HMCN1: variants seen among roughly 807,000 people sequenced by gnomAD.
The protein encoded by HMCN1 is hemicentin 1, also known as hemicentin-1.
HMCN1 carries 321 observed loss-of-function variants against 625.9 expected under a neutral mutation model. The ratio of observed to expected loss-of-function variants is 0.51; its 90% confidence interval spans 0.47 to 0.56. The LOEUF (loss-of-function observed/expected upper bound fraction) is 0.56, where lower values mean the gene tolerates loss of function less well. HMCN1 is among the 20% of genes least tolerant of loss of function. The probability of loss-of-function intolerance (pLI) is 0.00; values close to 1 mark genes in which losing one functional copy is unlikely to be tolerated. For synonymous variants in HMCN1, 2,425 were observed against 2,417.6 expected (o/e 1.00, Z -0.09); for missense variants, 6,588 against 6,887.3 (o/e 0.96, Z 1.54).
At chr1:186,153,210 C>A (rs1440758791) in intron 96 of HMCN1, among the ~76,000 whole-genome samples, 1 of 152,138 alleles carries the variant, frequency 6.6e-6, no homozygotes, top group Non-Finnish European at 1.5e-5. Context: ...AACAATCGCC[C>A]TTTCACATCT....
At chr1:185,789,562 A>T (rs1657853765) in intron 1 of HMCN1, among the ~76,000 whole-genome samples, 1 of 152,234 alleles carries the variant, frequency 6.6e-6, no homozygotes, top group Non-Finnish European at 1.5e-5. Flanking sequence ...CAAAAATAGG[A>T]TCATAAATTT....
intron 80 of HMCN1, among the ~76,000 whole-genome samples, chr1:186,122,260 A>G (rs1274159469): frequency 6.6e-6 from 1 of 152,222 alleles, no homozygotes; most frequent in Non-Finnish European, 1.5e-5. Flanking sequence ...TTTTGTTGCT[A>G]TAAATAATCT....
At chr1:185,897,084 A>T (rs1665533082) in intron 4 of HMCN1, among the ~76,000 whole-genome samples, 1 of 152,030 alleles carries the variant, frequency 6.6e-6, no homozygotes, top group South Asian at 2.1e-4. Flanking sequence ...GTCATTCTAG[A>T]CTTTTTCTTC....
intron 1 of HMCN1, among the ~76,000 whole-genome samples, chr1:185,816,451 C>T (rs764237153): frequency 1.3e-5 from 2 of 152,128 alleles, no homozygotes; most frequent in Non-Finnish European, 2.9e-5. Flanking sequence ...ATTGTGATTT[C>T]CCAATGTATA....
chr1:185,961,575 TTTACA>T (rs1254527238), intron 11 of HMCN1, among the ~76,000 whole-genome samples: 1 of 152,248 alleles, frequency 6.6e-6, no homozygotes, highest in Non-Finnish European at 1.5e-5. Context: ...GTGGTAGATA[TTTACA>T]TTAGGAGCTA....
chr1:185,899,202 AT>A (rs1372455767), intron 4 of HMCN1, among the ~76,000 whole-genome samples: 3 of 152,080 alleles, frequency 2.0e-5, no homozygotes, highest in Non-Finnish European at 4.4e-5. Flanking sequence ...GATGTTCGCT[AT>A]TTTTTTGGAC....
chr1:185,954,089 A>G (rs940664895), intron 11 of HMCN1, among the ~76,000 whole-genome samples: 104 of 151,992 alleles, frequency 6.8e-4, no homozygotes, highest in Non-Finnish European at 6.8e-4. Flanking sequence ...GTGGAATGTC[A>G]TCAGTTAAGG....
At chr1:186,080,325 T>C (rs745926204) in intron 55 of HMCN1, among the ~76,000 whole-genome samples, 14 of 152,168 alleles carry the variant, frequency 9.2e-5, no homozygotes, top group African/African-American at 1.7e-4. Context: ...TTGCTAAAGA[T>C]AAGGTATATT....
rs746547858 is a variant in HMCN1, at chr1:186,166,831, A to T, written c.15463A>T (p.Arg5155Trp). 6.2e-7 allele frequency: 1 copy of T among 1,614,088 alleles called. No homozygotes were observed. The highest frequency in any genetic ancestry group is 8.5e-7 in the Non-Finnish European group (1 of 1,179,990). The change falls in exon 100 of 107, where the codon AGG (arginine) becomes TGG (tryptophan). Residue 5155 changes from arginine to tryptophan, a missense_variant. Physicochemically the swap from Arg to Trp is moderately radical, Grantham distance 101. Transcript: ENST00000271588. ...CQDIDECALG[R>W]HTCHAGQDCD... ...AGATATTGATGAGTGTGCTTTGGGT[A>T]GGCATACCTGCCACGCTGGTCAGGA...
At chr1:186,141,813 A>G (rs1423322497) in intron 89 of HMCN1, among the ~76,000 whole-genome samples, 1 of 152,204 alleles carries the variant, frequency 6.6e-6, no homozygotes, top group African/African-American at 2.4e-5. Context: ...CAGCCAAGTG[A>G]CTTGTCAGGA....
chr1:185,947,073 G>T (rs1055518231), intron 11 of HMCN1, among the ~76,000 whole-genome samples: 4 of 152,138 alleles, frequency 2.6e-5, no homozygotes, highest in African/African-American at 9.7e-5. Context: ...GGGTTGTGGG[G>T]GGCGGGTAAA....
chr1:185,956,984 T>A (rs535406485), intron 11 of HMCN1: 3 of 152,354 alleles, frequency 2.0e-5, no homozygotes, highest in African/African-American at 7.2e-5. Context: ...AAAAACATAA[T>A]TGCACCCAAT....
chr1:185,979,483 A>G (rs1157113327), intron 16 of HMCN1, among the ~76,000 whole-genome samples: 2 of 152,240 alleles, frequency 1.3e-5, no homozygotes, highest in African/African-American at 4.8e-5. Context: ...CTTGAGCAAC[A>G]GTTGCCTAAT....
intron 68 of HMCN1, among the ~76,000 whole-genome samples, chr1:186,101,332 G>A (rs1383680199): frequency 2.6e-5 from 4 of 152,060 alleles, no homozygotes; most frequent in African/African-American, 9.7e-5. Flanking sequence ...TTAGTTTCTG[G>A]CTTATGTGAC....
At chr1:185,901,775 A>G (rs1665819872) in intron 4 of HMCN1, among the ~76,000 whole-genome samples, 1 of 151,830 alleles carries the variant, frequency 6.6e-6, no homozygotes, top group Non-Finnish European at 1.5e-5. Context: ...TCTCCCCAAA[A>G]TAGACCTAAT....
Position 186,007,177 on chromosome 1 carries a change from G to C in HMCN1, c.4525G>C (p.Val1509Leu). Residue 1509 changes from valine to leucine, a missense_variant, in exon 30 of 107, where the codon GTC (valine) becomes CTC (leucine). Val to Leu is a conservative substitution (Grantham distance 32, BLOSUM62 1). Coordinates refer to ENST00000271588, the MANE Select transcript of HMCN1 (RefSeq NM_031935.3). ...PNVELLDRGQVLHLKNARRND... is the reference protein window; with the variant it reads ...PNVELLDRGQLLHLKNARRND... ...TGTTGAACTTCTAGACAGAGGACAA[G>C]TCTTACATTTAAAGAATGCACGGAG... 1 of 1,613,288 alleles carries C rather than the reference G, an allele frequency of 6.2e-7. No homozygotes were observed. Among genetic ancestry groups the C allele is most frequent in the Non-Finnish European group, 8.5e-7 (1 of 1,179,360 alleles).
intron 47 of HMCN1, 150 bp downstream of exon 47, chr1:186,062,114 T>C (rs1657744030): frequency 1.6e-6 from 1 of 610,246 alleles, no homozygotes; most frequent in Non-Finnish European, 2.9e-6. Flanking sequence ...TCAGAATTGT[T>C]TGGAGGTAAT....
At chr1:185,753,081 CTAAA>C (rs1419791745) in intron 1 of HMCN1, among the ~76,000 whole-genome samples, 3 of 151,896 alleles carry the variant, frequency 2.0e-5, no homozygotes, top group Admixed American at 6.6e-5. Flanking sequence ...ATATGATCAT[CTAAA>C]TAGTTACATA....
intron 1 of HMCN1, among the ~76,000 whole-genome samples, chr1:185,753,842 C>A (rs1374656780): frequency 6.6e-6 from 1 of 152,058 alleles, no homozygotes; most frequent in Non-Finnish European, 1.5e-5. Context: ...ATTAGTATAA[C>A]CATTATGGAA....
Sources: allele counts gnomAD v4.1 joint callset (sites outside exome capture counted in the v4.1 genomes callset), GRCh38; gene constraint gnomAD v4.1.1; transcripts MANE v1.5; gene names NCBI Gene and HGNC (gene_info 2026-07-23, HGNC 2026-07-21).